Variants in PTPRK observed in about 807,000 individuals in gnomAD.
PTPRK encodes the protein protein tyrosine phosphatase receptor type K.
Under a neutral mutation model 178.0 loss-of-function variants are expected in PTPRK, and 75 were observed. The observed-to-expected ratio is 0.42, with a 90% CI of 0.35 to 0.51. PTPRK has a LOEUF of 0.51. Among genes scored for constraint, PTPRK ranks in the 20% least tolerant of loss-of-function variants. PTPRK has a pLI of 0.02. For synonymous variants in PTPRK, 637 were observed against 620.6 expected (o/e 1.03, Z -0.39); for missense variants, 1,441 against 1,797.8 (o/e 0.80, Z 3.59).
intron 24 of PTPRK, among the ~76,000 whole-genome samples, chr6:127,982,022 T>C (rs966035078): frequency 6.6e-6 from 1 of 152,098 alleles, no homozygotes; most frequent in African/African-American, 2.4e-5. Context: ...ATATTTTTTG[T>C]AGAGATGAGG....
In PTPRK at chr6:128,125,824, G is replaced by A. The variant is rs1254951666; in HGVS notation, c.1163-35832C>T. On this transcript the variant is annotated intron_variant, in intron 7 of 29. Coordinates refer to ENST00000368226, the MANE Select transcript of PTPRK (RefSeq NM_002844.4). ...AGGGTTTCACCATGCTGGCCAGGCTGGTCTCGAACCCCTGACCTCATGATC... is the reference window on the plus strand; with the variant it reads ...AGGGTTTCACCATGCTGGCCAGGCTAGTCTCGAACCCCTGACCTCATGATC... Among the ~76,000 whole-genome samples, 7 of 151,744 alleles carry A rather than the reference G, an allele frequency of 4.6e-5. No homozygotes were observed. The East Asian group carries it at 1.4e-3, about 30-fold the overall frequency.
At chr6:128,352,222 C>T (rs912276250) in intron 2 of PTPRK, among the ~76,000 whole-genome samples, 4 of 124,944 alleles carry the variant, frequency 3.2e-5, no homozygotes, top group African/African-American at 1.2e-4. Context: ...CCACTGCCCT[C>T]CAGCCTGGGT....
chr6:128,368,666 G>A (rs1171201040), intron 2 of PTPRK, among the ~76,000 whole-genome samples: 2 of 152,094 alleles, frequency 1.3e-5, no homozygotes, highest in Non-Finnish European at 1.5e-5. Context: ...CCTAGAGTGA[G>A]GGGTGAGCCA....
intron 1 of PTPRK, among the ~76,000 whole-genome samples, chr6:128,471,142 G>A (rs919645947): frequency 6.6e-6 from 1 of 151,638 alleles, no homozygotes; most frequent in Admixed American, 6.6e-5. Context: ...TAATATTCCT[G>A]GGAGAAAATG....
intron 24 of PTPRK, among the ~76,000 whole-genome samples, chr6:127,981,745 C>G (rs116449513): frequency 6.6e-6 from 1 of 152,144 alleles, no homozygotes; most frequent in Non-Finnish European, 1.5e-5. Flanking sequence ...TTTTCACCCA[C>G]CTTCAGGGGT....
chr6:128,000,017 C>T (rs1777616829), intron 15 of PTPRK: 1 of 946,346 alleles, frequency 1.1e-6, no homozygotes, highest in Non-Finnish European at 1.3e-6. Flanking sequence ...ACTTTAATGA[C>T]CGAAGTACTA....
chr6:128,066,054 A>G (rs1404020282), intron 12 of PTPRK, among the ~76,000 whole-genome samples: 2 of 152,250 alleles, frequency 1.3e-5, no homozygotes, highest in East Asian at 3.8e-4. Flanking sequence ...AGTAACAGAC[A>G]TTCATTAACA....
intron 17 of PTPRK, among the ~76,000 whole-genome samples, chr6:127,995,826 G>A (rs900214621): frequency 1.3e-5 from 2 of 152,000 alleles, no homozygotes; most frequent in African/African-American, 2.4e-5. Context: ...CTACATAACT[G>A]AACTAGACTT....
chr6:128,411,189 G>A (rs913118119), intron 1 of PTPRK, among the ~76,000 whole-genome samples: 5 of 151,972 alleles, frequency 3.3e-5, no homozygotes, highest in African/African-American at 1.2e-4. Flanking sequence ...CACCACACCC[G>A]GCCTACCAGC....
intron 13 of PTPRK, among the ~76,000 whole-genome samples, chr6:128,024,373 G>A (rs1489317795): frequency 1.3e-5 from 2 of 152,098 alleles, no homozygotes; most frequent in Admixed American, 6.6e-5. Context: ...ATGATCTTAT[G>A]AATCAATTCT....
At chr6:128,025,933 C>A (rs1582572751) in intron 13 of PTPRK, among the ~76,000 whole-genome samples, 2 of 152,180 alleles carry the variant, frequency 1.3e-5, no homozygotes, top group African/African-American at 4.8e-5. Flanking sequence ...GCAAAGACCG[C>A]TTTTCCCTAA....
intron 3 of PTPRK, among the ~76,000 whole-genome samples, chr6:128,259,082 G>A (rs1562884477): frequency 2.6e-5 from 4 of 151,584 alleles, no homozygotes; most frequent in Non-Finnish European, 5.9e-5. Flanking sequence ...GTGTGGGGAG[G>A]TCCATGTTTG....
At chr6:128,451,195 A>G (rs1847743532) in intron 1 of PTPRK, among the ~76,000 whole-genome samples, 1 of 152,234 alleles carries the variant, frequency 6.6e-6, no homozygotes, top group Non-Finnish European at 1.5e-5. Context: ...ACATAATGAA[A>G]TATGCCAACG....
chr6:128,009,764 T>C (rs1778848883), intron 13 of PTPRK, among the ~76,000 whole-genome samples: 1 of 151,234 alleles, frequency 6.6e-6, no homozygotes, highest in Non-Finnish European at 1.5e-5. Flanking sequence ...GTGTTTATGA[T>C]TTAATATATA....
chr6:128,283,945 G>A (rs1179095850), intron 3 of PTPRK, among the ~76,000 whole-genome samples: 1 of 152,030 alleles, frequency 6.6e-6, no homozygotes, highest in Non-Finnish European at 1.5e-5. Context: ...CCTACATATG[G>A]CAAAAAATTA....
At chr6:128,435,550 G>A (rs1463242278) in intron 1 of PTPRK, among the ~76,000 whole-genome samples, 1 of 152,170 alleles carries the variant, frequency 6.6e-6, no homozygotes, top group African/African-American at 2.4e-5. Flanking sequence ...AAGACCAAGA[G>A]TCGCACAGAA....
rs1773634543 is a variant in PTPRK, at chr6:127,968,949, C to G, written c.*1278G>C. 1 of 152,154 alleles carries G rather than the reference C, an allele frequency of 6.6e-6. No homozygotes were observed. Among genetic ancestry groups the G allele is most frequent in the African/African-American group, 2.4e-5 (1 of 41,428 alleles). 9.4% of individuals were successfully genotyped at this position (152,154 alleles called of 1,614,324 possible). ...GCTACGTGGAGCATGTGAACAAGAC[C>G]ACATTTAGAAAGGTTCACTTAAGAA... On this transcript the variant is annotated 3_prime_UTR_variant, in exon 30 of 30. Coordinates refer to ENST00000368226, the MANE Select transcript of PTPRK (RefSeq NM_002844.4).
chr6:128,138,019 C>CA (rs1045581130), intron 7 of PTPRK, among the ~76,000 whole-genome samples: 1 of 151,958 alleles, frequency 6.6e-6, no homozygotes, highest in African/African-American at 2.4e-5. Context: ...ATTTGACTTA[C>CA]AAAATATACA....
intron 1 of PTPRK, among the ~76,000 whole-genome samples, chr6:128,428,321 A>G (rs543670038): frequency 5.6e-4 from 86 of 152,318 alleles, no homozygotes; most frequent in African/African-American, 1.8e-3. Flanking sequence ...AGGAGAAAGC[A>G]ATTATAGCAA....
Sources: allele counts gnomAD v4.1 joint callset (sites outside exome capture counted in the v4.1 genomes callset), GRCh38; gene constraint gnomAD v4.1.1; transcripts MANE v1.5; gene names NCBI Gene and HGNC (gene_info 2026-07-23, HGNC 2026-07-21).